The following SEMA5A variants were observed in gnomAD, a reference collection of about 807,000 sequenced individuals.
SEMA5A encodes semaphorin 5A, also known as semaphorin-5A.
In SEMA5A, 55 loss-of-function variants were observed where a neutral mutation model predicts 135.5. That is an observed-to-expected ratio of 0.41 (90% CI 0.33 to 0.51). The LOEUF (loss-of-function observed/expected upper bound fraction) is 0.51. SEMA5A is among the 20% of genes least tolerant of loss of function. The pLI, the probability that SEMA5A is intolerant of heterozygous loss-of-function variation, is 0.37. For missense variants in SEMA5A, 1,290 were observed against 1,419.9 expected (o/e 0.91, Z 1.47); for synonymous variants, 580 against 546.5 (o/e 1.06, Z -0.85).
At chr5:9,420,857 A>G (rs1757441253) in intron 2 of SEMA5A, among the ~76,000 whole-genome samples, 1 of 152,254 alleles carries the variant, frequency 6.6e-6, no homozygotes, top group East Asian at 1.9e-4. Flanking sequence ...TACTAAAAAT[A>G]TATAAAAAAT....
At chr5:9,427,987 T>A (rs1757719188) in intron 2 of SEMA5A, among the ~76,000 whole-genome samples, 1 of 151,950 alleles carries the variant, frequency 6.6e-6, no homozygotes, top group African/African-American at 2.4e-5. Context: ...CTCTATATAA[T>A]TTACATACAT....
intron 2 of SEMA5A, among the ~76,000 whole-genome samples, chr5:9,413,070 C>A (rs546432931): frequency 8.7e-4 from 133 of 152,220 alleles, no homozygotes; most frequent in African/African-American, 2.9e-3. Context: ...ATCCTTACTC[C>A]TAGCTATGGG....
intron 5 of SEMA5A, among the ~76,000 whole-genome samples, chr5:9,283,739 G>A (rs1750656343): frequency 6.6e-6 from 1 of 152,158 alleles, no homozygotes; most frequent in African/African-American, 2.4e-5. Context: ...GTTTGCCTCT[G>A]CCCGTTAATT....
At chr5:9,153,301 G>C (rs962832684) in intron 12 of SEMA5A, among the ~76,000 whole-genome samples, 9 of 152,296 alleles carry the variant, frequency 5.9e-5, no homozygotes, top group Admixed American at 2.6e-4. Flanking sequence ...ATTTCCCCAA[G>C]GGCGATCTTT....
intron 5 of SEMA5A, among the ~76,000 whole-genome samples, chr5:9,242,773 T>G (rs1335108843): frequency 1.3e-5 from 2 of 150,714 alleles, no homozygotes; most frequent in Non-Finnish European, 2.9e-5. Context: ...GGAAAATAAA[T>G]TTTTTTTTAA....
At chr5:9,263,834 C>T (rs1055963122) in intron 5 of SEMA5A, among the ~76,000 whole-genome samples, 1 of 152,188 alleles carries the variant, frequency 6.6e-6, no homozygotes, top group South Asian at 2.1e-4. Flanking sequence ...CCCTGTGTCT[C>T]TTGGGTATTT....
In SEMA5A at chr5:9,038,300, T is replaced by G. The variant is rs1374522729; in HGVS notation, c.*4597A>C. On this transcript the variant is annotated 3_prime_UTR_variant, in exon 23 of 23. Transcript: ENST00000382496. ...TGCCATGTGGAAAATGGTTATGCAG[T>G]CGCTGTTAATTTTATCAACCATTAG... The G allele has an allele frequency of 6.6e-6, 1 of 152,200 alleles. No individual in the cohort carries two copies. The highest frequency in any genetic ancestry group is 1.5e-5 in the Non-Finnish European group (1 of 68,042). The allele number at this position is 152,200 out of a possible 1,614,324, so 9.4% of individuals were successfully genotyped here.
rs80123967 is a variant in SEMA5A, at chr5:9,317,907, T to C, written c.270+465A>G. Among the ~76,000 whole-genome samples the C allele has an allele frequency of 9.6e-4, 147 of 152,366 alleles. 2 individuals are homozygous for C. In the East Asian group the frequency reaches 0.019, roughly 20 times the overall value. Reference sequence around the variant, plus strand: ...CAACAGAAGTAGGTAAATTTCATTTTGATCTATTTCCCTTTATTCTTTGTT... The same window carrying C: ...CAACAGAAGTAGGTAAATTTCATTTCGATCTATTTCCCTTTATTCTTTGTT... On this transcript the variant is annotated intron_variant, in intron 5 of 22. Coordinates refer to ENST00000382496, the MANE Select transcript of SEMA5A (RefSeq NM_003966.3).
chr5:9,225,370 G>A lies in SEMA5A; in HGVS notation c.433-483C>T, dbSNP rs1406455237. On this transcript the variant is annotated intron_variant, in intron 7 of 22. Coordinates refer to ENST00000382496, the MANE Select transcript of SEMA5A (RefSeq NM_003966.3). ...AGATCAAGACCATCCTGGCTAACAC[G>A]GTGAAACCCCATCTCTACTAAAAAA... Among the ~76,000 whole-genome samples the A allele has an allele frequency of 7.0e-5, 9 of 128,404 alleles. 1 individual carries two copies. Among genetic ancestry groups the A allele is most frequent in the Admixed American group, 1.8e-4 (2 of 11,144 alleles). 84.2% of individuals were successfully genotyped at this position (128,404 alleles called of 152,430 possible). A position where few individuals can be genotyped will look rare whatever the true frequency, so the allele number is the denominator to read the frequency against.
chr5:9,185,655 A>C (rs1744765385), intron 11 of SEMA5A, among the ~76,000 whole-genome samples: 1 of 152,232 alleles, frequency 6.6e-6, no homozygotes, highest in Non-Finnish European at 1.5e-5. Context: ...TTTTTAGTAT[A>C]TTCTGAGTTG....
chr5:9,501,751 A>G (rs1435330314), intron 1 of SEMA5A, among the ~76,000 whole-genome samples: 4 of 152,218 alleles, frequency 2.6e-5, no homozygotes, highest in African/African-American at 7.2e-5. Context: ...CTGGGTTCCA[A>G]TCGTCACCCC....
At chr5:9,244,560 C>T (rs1748385072) in intron 5 of SEMA5A, among the ~76,000 whole-genome samples, 1 of 152,234 alleles carries the variant, frequency 6.6e-6, no homozygotes, top group East Asian at 1.9e-4. Flanking sequence ...CTGCCATTTG[C>T]TTCCTCCTTT....
At chr5:9,175,365 C>T (rs980134487) in intron 11 of SEMA5A, among the ~76,000 whole-genome samples, 1 of 152,080 alleles carries the variant, frequency 6.6e-6, no homozygotes, top group Non-Finnish European at 1.5e-5. Context: ...CATGTTTATG[C>T]CTCCAGTTAG....
intron 14 of SEMA5A, among the ~76,000 whole-genome samples, chr5:9,121,871 C>T (rs1740830800): frequency 6.6e-6 from 1 of 152,190 alleles, no homozygotes; most frequent in Non-Finnish European, 1.5e-5. Context: ...ACAATTTGAT[C>T]ACCCAATCTG....
At chr5:9,302,296 G>A (rs1032312762) in intron 5 of SEMA5A, among the ~76,000 whole-genome samples, 1 of 152,154 alleles carries the variant, frequency 6.6e-6, no homozygotes, top group Admixed American at 6.5e-5. Flanking sequence ...TGATATCACT[G>A]ACAATACTGC....
chr5:9,380,429 T>C (rs1157744451), intron 2 of SEMA5A, among the ~76,000 whole-genome samples: 7 of 152,208 alleles, frequency 4.6e-5, no homozygotes, highest in Non-Finnish European at 1.0e-4. Flanking sequence ...TACAAATACC[T>C]GCCCATCCCT....
intron 9 of SEMA5A, among the ~76,000 whole-genome samples, chr5:9,198,563 C>G (rs1371870265): frequency 6.6e-6 from 1 of 152,102 alleles, no homozygotes; most frequent in Non-Finnish European, 1.5e-5. Flanking sequence ...AAAGTAGGGC[C>G]TTGAGGGTAT....
At position 9,108,278 on chromosome 5, in the gene SEMA5A, A is replaced by G. The variant is rs1372444613; in HGVS notation, c.1935T>C (p.Asn645=). 6.2e-7 allele frequency: 1 copy of G among 1,614,136 alleles called. No homozygotes were observed. Reference sequence around the variant, plus strand: ...TGTGTGGGGGACATAGCAAATGTTCATTGCAGTATCTGTAATGAGGAAACC... The same window carrying G: ...TGTGTGGGGGACATAGCAAATGTTCGTTGCAGTATCTGTAATGAGGAAACC... The part of the protein sequence containing the change: ...VGQNREERYC[N]EHLLCPPHMF... The change falls in exon 16 of 23, where the codon AAT becomes AAC. Residue 645 remains asparagine, a synonymous_variant. Transcript: ENST00000382496.
chr5:9,498,962 G>A (rs989125441), intron 1 of SEMA5A, among the ~76,000 whole-genome samples: 7 of 152,222 alleles, frequency 4.6e-5, no homozygotes, highest in African/African-American at 1.7e-4. Context: ...GTTATGGCAA[G>A]CTATAAGGAA....
Sources: allele counts gnomAD v4.1 joint callset (sites outside exome capture counted in the v4.1 genomes callset), GRCh38; gene constraint gnomAD v4.1.1; transcripts MANE v1.5; gene names NCBI Gene and HGNC (gene_info 2026-07-23, HGNC 2026-07-21).